GALNT13: variants seen among roughly 807,000 people sequenced by gnomAD.
GALNT13 encodes polypeptide N-acetylgalactosaminyltransferase 13, also known as UDP-GalNAc:polypeptide N-acetylgalactosaminyltransferase 13.
A neutral mutation model predicts 64.2 loss-of-function variants in GALNT13; 28 were observed. The observed-to-expected ratio is 0.44, with a 90% CI of 0.32 to 0.60. The LOEUF is 0.60. Among genes scored for constraint, GALNT13 ranks in the 20% least tolerant of loss-of-function variants. The pLI, the probability that GALNT13 is intolerant of heterozygous loss-of-function variation, is 0.05. For synonymous variants in GALNT13, 214 were observed against 224.6 expected (o/e 0.95, Z 0.42); for missense variants, 577 against 669.8 (o/e 0.86, Z 1.53).
Position 154,057,649 on chromosome 2 carries a change from G to A in GALNT13, c.143-82688G>A, listed in dbSNP as rs146007722. Among the ~76,000 whole-genome samples, 82 of 152,272 alleles carry A rather than the reference G, an allele frequency of 5.4e-4. No homozygotes were observed. The East Asian group carries it at 0.015, about 28-fold the overall frequency. ...TAATCCAGCTCTGCAGCAGAGGTGA[G>A]GGTGGAGAGCAGCAACAAAAGAGAG... On this transcript the variant is annotated intron_variant, in intron 3 of 12. Transcript: ENST00000392825.
At chr2:153,897,268 A>G (rs776422046) in intron 1 of GALNT13, among the ~76,000 whole-genome samples, 1 of 152,154 alleles carries the variant, frequency 6.6e-6, no homozygotes, top group Non-Finnish European at 1.5e-5. Flanking sequence ...CTTATCATTA[A>G]AAGTCCTTTT....
the GALNT13 span, among the ~76,000 whole-genome samples, chr2:153,581,935 A>G: frequency 6.6e-6 from 1 of 152,120 alleles, no homozygotes; most frequent in Admixed American, 6.5e-5. Context: ...TTGTAAGTGG[A>G]TAATGCTTAT....
At chr2:154,327,403 A>C (rs1290832215) in intron 9 of GALNT13, among the ~76,000 whole-genome samples, 1 of 152,036 alleles carries the variant, frequency 6.6e-6, no homozygotes, top group Non-Finnish European at 1.5e-5. Context: ...AACTGGTAAC[A>C]CCTGTTCTGA....
At chr2:153,120,894 A>C in the GALNT13 span, among the ~76,000 whole-genome samples, 44 of 152,242 alleles carry the variant, frequency 2.9e-4, no homozygotes, top group African/African-American at 8.9e-4. Context: ...ATCTAGGAAA[A>C]ATAATTCAAA....
At chr2:153,329,356 C>A in the GALNT13 span, among the ~76,000 whole-genome samples, 1 of 152,210 alleles carries the variant, frequency 6.6e-6, no homozygotes, top group Non-Finnish European at 1.5e-5. Context: ...TGCCAAACTG[C>A]TTTCCACAGT....
chr2:153,578,377 A>G, the GALNT13 span, among the ~76,000 whole-genome samples: 1 of 152,362 alleles, frequency 6.6e-6, no homozygotes, highest in African/African-American at 2.4e-5. Flanking sequence ...AAGCCAATGT[A>G]ATATTGGCCT....
At chr2:153,238,098 G>A in the GALNT13 span, among the ~76,000 whole-genome samples, 1 of 151,920 alleles carries the variant, frequency 6.6e-6, no homozygotes, top group Non-Finnish European at 1.5e-5. Flanking sequence ...ATATTGAGCA[G>A]CTTTTCATAT....
intron 9 of GALNT13, among the ~76,000 whole-genome samples, chr2:154,385,399 G>T (rs1282388041): frequency 6.6e-6 from 1 of 151,806 alleles, no homozygotes; most frequent in Non-Finnish European, 1.5e-5. Flanking sequence ...TCTGTACCCA[G>T]GAAAATATTT....
At chr2:154,401,873 C>T (rs1456725844) in intron 10 of GALNT13, among the ~76,000 whole-genome samples, 1 of 152,030 alleles carries the variant, frequency 6.6e-6, no homozygotes, top group Non-Finnish European at 1.5e-5. Flanking sequence ...CTTCTAAATC[C>T]AGTTCTCCAT....
At chr2:154,102,192 T>C (rs1418741959) in intron 3 of GALNT13, among the ~76,000 whole-genome samples, 1 of 152,170 alleles carries the variant, frequency 6.6e-6, no homozygotes, top group African/African-American at 2.4e-5. Context: ...ATCCAGAATT[T>C]CTTTGTTGAT....
chr2:153,071,637 A>T, the GALNT13 span, among the ~76,000 whole-genome samples: 1 of 152,240 alleles, frequency 6.6e-6, no homozygotes, highest in Non-Finnish European at 1.5e-5. Flanking sequence ...ACTGACCGAC[A>T]GAAATTGGCT....
chr2:153,186,883 G>A, the GALNT13 span, among the ~76,000 whole-genome samples: 1 of 152,258 alleles, frequency 6.6e-6, no homozygotes, highest in East Asian at 1.9e-4. Flanking sequence ...AGTTTTTGTA[G>A]TGGCAGGTAA....
the GALNT13 span, among the ~76,000 whole-genome samples, chr2:153,376,519 T>C: frequency 6.6e-6 from 1 of 152,240 alleles, no homozygotes; most frequent in Non-Finnish European, 1.5e-5. Flanking sequence ...TGTAATAATA[T>C]GGGAGATGAA....
the GALNT13 span, among the ~76,000 whole-genome samples, chr2:153,162,665 A>G: frequency 6.6e-6 from 1 of 152,196 alleles, no homozygotes; most frequent in Non-Finnish European, 1.5e-5. Flanking sequence ...CTAGATACCC[A>G]TAGATGTTTT....
chr2:153,525,929 A>G, the GALNT13 span, among the ~76,000 whole-genome samples: 1 of 152,216 alleles, frequency 6.6e-6, no homozygotes. Flanking sequence ...CTGCACATGG[A>G]CCTGTGGTGG....
the GALNT13 span, among the ~76,000 whole-genome samples, chr2:153,376,044 C>T: frequency 1.3e-5 from 2 of 152,102 alleles, no homozygotes; most frequent in Non-Finnish European, 2.9e-5. Context: ...TGCCCACTCA[C>T]AGGGAGAGCA....
At chr2:153,917,610 T>C (rs947605784) in intron 2 of GALNT13, among the ~76,000 whole-genome samples, 6 of 152,118 alleles carry the variant, frequency 3.9e-5, no homozygotes, top group African/African-American at 1.2e-4. Flanking sequence ...AGTAATAAAC[T>C]TAATTGCACA....
At chr2:153,973,296 T>C (rs894458630) in intron 3 of GALNT13, among the ~76,000 whole-genome samples, 1 of 152,000 alleles carries the variant, frequency 6.6e-6, no homozygotes, top group Non-Finnish European at 1.5e-5. Context: ...TTGATCTCAT[T>C]AATTTTATAT....
the GALNT13 span, among the ~76,000 whole-genome samples, chr2:153,820,812 T>C: frequency 6.6e-6 from 1 of 152,208 alleles, no homozygotes; most frequent in South Asian, 2.1e-4. Context: ...CAATCAAGTC[T>C]ACGAAACAAC....
Sources: allele counts gnomAD v4.1 joint callset (sites outside exome capture counted in the v4.1 genomes callset), GRCh38; gene constraint gnomAD v4.1.1; transcripts MANE v1.5; gene names NCBI Gene and HGNC (gene_info 2026-07-23, HGNC 2026-07-21).